Variants in KCNIP1 observed in about 807,000 individuals in gnomAD.
KCNIP1 encodes potassium voltage-gated channel interacting protein 1.
KCNIP1 carries 18 observed loss-of-function variants against 33.0 expected under a neutral mutation model. That is an observed-to-expected ratio of 0.55 (90% CI 0.38 to 0.81). The LOEUF (loss-of-function observed/expected upper bound fraction) is 0.81, where lower values mean the gene tolerates loss of function less well. Among genes scored for constraint, KCNIP1 ranks in the 30% least tolerant of loss-of-function variants. KCNIP1 has a pLI of 0.00. For missense variants in KCNIP1, 238 were observed against 271.6 expected, an observed-to-expected ratio of 0.88 and a Z score of 0.87; for synonymous variants, 93 against 98.3, an observed-to-expected ratio of 0.95 and a Z score of 0.32.
intron 1 of KCNIP1, among the ~76,000 whole-genome samples, chr5:170,600,866 A>T (rs577341518): frequency 1.3e-5 from 2 of 152,276 alleles, no homozygotes; most frequent in Admixed American, 6.5e-5. Flanking sequence ...ATGAGATCGC[A>T]CATATAAATT....
intron 1 of KCNIP1, among the ~76,000 whole-genome samples, chr5:170,621,681 C>A (rs115264575): frequency 0.02 from 2,990 of 152,158 alleles, 121 homozygotes; most frequent in African/African-American, 0.066. Flanking sequence ...GCTAATTTTT[C>A]AATTTTTTGT....
chr5:170,355,057 GGTCTGGC>G (rs1763309831), intron 1 of KCNIP1, among the ~76,000 whole-genome samples: 1 of 152,244 alleles, frequency 6.6e-6, no homozygotes, highest in Non-Finnish European at 1.5e-5. Flanking sequence ...CCACCCAGCG[GGTCTGGC>G]CCAGTGTACG....
rs760242908 is a variant in KCNIP1, at chr5:170,504,642, C to T, written c.61+9C>T. The T allele has an allele frequency of 2.5e-6, 4 of 1,610,974 alleles. No homozygotes were observed. Among genetic ancestry groups the T allele is most frequent in the Non-Finnish European group, 3.4e-6 (4 of 1,177,386 alleles). ...AAGGCGACCCTCGAAAGGTAAGCCA[C>T]CTTCTTCCTTTTGTTCCCCTGTCTG... On this transcript the variant is annotated intron_variant, in intron 1 of 7. Transcript: ENST00000328939. The surrounding 1 kb of genome is among the most constrained non-coding windows in gnomAD (Gnocchi z 6.0).
chr5:170,512,272 C>T (rs1754961110), intron 1 of KCNIP1, among the ~76,000 whole-genome samples: 1 of 152,198 alleles, frequency 6.6e-6, no homozygotes, highest in Non-Finnish European at 1.5e-5. Context: ...GGACCAGGAT[C>T]AGAGTTTTCA....
At chr5:170,557,042 T>C (rs538782077) in intron 1 of KCNIP1, among the ~76,000 whole-genome samples, 2 of 152,246 alleles carry the variant, frequency 1.3e-5, no homozygotes, top group Admixed American at 1.3e-4. Context: ...CCCTCAGCAG[T>C]GGAGTGGAAG....
intron 1 of KCNIP1, chr5:170,678,902 G>T (rs889954412): frequency 6.6e-6 from 1 of 152,242 alleles, no homozygotes; most frequent in Non-Finnish European, 1.5e-5. Context: ...GCTAAGATAA[G>T]CCAAGAGAAC....
intron 1 of KCNIP1, among the ~76,000 whole-genome samples, chr5:170,707,029 A>G (rs1763277331): frequency 6.6e-6 from 1 of 152,136 alleles, no homozygotes. Context: ...AAGTTTCTCC[A>G]CTGCCACCTG....
At chr5:170,508,944 G>A (rs539401169) in intron 1 of KCNIP1, among the ~76,000 whole-genome samples, 1 of 152,124 alleles carries the variant, frequency 6.6e-6, no homozygotes, top group Non-Finnish European at 1.5e-5. Flanking sequence ...AGGGTTCTTG[G>A]GGGTAGGAGC....
intron 1 of KCNIP1, among the ~76,000 whole-genome samples, chr5:170,690,767 G>C (rs1389521436): frequency 6.6e-6 from 1 of 152,208 alleles, no homozygotes; most frequent in African/African-American, 2.4e-5. Context: ...GTTGTTTCCA[G>C]ATGGTGATCT....
chr5:170,415,111 T>C (rs1755293393), intron 1 of KCNIP1, among the ~76,000 whole-genome samples: 1 of 152,232 alleles, frequency 6.6e-6, no homozygotes, highest in South Asian at 2.1e-4. Flanking sequence ...TTTTTCTCTC[T>C]TTTTCTGTGA....
chr5:170,430,660 C>G (rs1755719965), intron 1 of KCNIP1, among the ~76,000 whole-genome samples: 1 of 152,182 alleles, frequency 6.6e-6, no homozygotes, highest in Non-Finnish European at 1.5e-5. Flanking sequence ...TTAGGAAGTG[C>G]TTGCTAAACC....
chr5:170,390,517 A>AAATATATATATATATATATATATAT lies in KCNIP1; in HGVS notation c.88+36554_88+36555insATATATATATATATATATATATATA. Among the ~76,000 whole-genome samples the AAATATATATATATATATATATATAT allele has an allele frequency of 7.1e-4, 53 of 74,470 alleles. 1 individual carries two copies. The highest frequency in any genetic ancestry group is 1.0e-3 in the Non-Finnish European group (40 of 40,156). The allele number at this position is 74,470 out of a possible 152,430, so 48.9% of individuals were successfully genotyped here. A position where few individuals can be genotyped will look rare whatever the true frequency, so the allele number is the denominator to read the frequency against. On this transcript the variant is annotated intron_variant, in intron 1 of 7. Transcript: ENST00000377360. ...GACCCCGTCTCAAAAAAAAAAAACA[A>AAATATATATATATATATATATATAT]ATATATATATATATATATATATTTT...
At chr5:170,475,339 C>G (rs1316716008) in intron 1 of KCNIP1, among the ~76,000 whole-genome samples, 1 of 152,216 alleles carries the variant, frequency 6.6e-6, no homozygotes, top group Admixed American at 6.5e-5. Flanking sequence ...TCACATTGAC[C>G]AGCTCCTGCG....
chr5:170,706,455 C>G (rs1763259187), intron 1 of KCNIP1, among the ~76,000 whole-genome samples: 1 of 152,178 alleles, frequency 6.6e-6, no homozygotes, highest in Admixed American at 6.5e-5. Context: ...AAAACTGTAT[C>G]AATCAGGCTT....
intron 1 of KCNIP1, among the ~76,000 whole-genome samples, chr5:170,528,188 C>G (rs1056509520): frequency 5.3e-5 from 8 of 152,198 alleles, no homozygotes; most frequent in Non-Finnish European, 1.0e-4. Flanking sequence ...ACTGGAGGCT[C>G]TGGCTCACTG....
chr5:170,533,990 G>A (rs1296261637), intron 1 of KCNIP1, among the ~76,000 whole-genome samples: 1 of 152,180 alleles, frequency 6.6e-6, no homozygotes, highest in Non-Finnish European at 1.5e-5. Context: ...GGCACCAGAA[G>A]GTGCCCAGAC....
At chr5:170,383,520 C>T in intron 1 of KCNIP1, 2 of 794,416 alleles carry the variant, frequency 2.5e-6, no homozygotes, top group Non-Finnish European at 4.2e-6. Context: ...CTGTGTGACT[C>T]CAACACAGAA....
intron 1 of KCNIP1, among the ~76,000 whole-genome samples, chr5:170,667,591 G>A (rs1048049396): frequency 6.6e-6 from 1 of 152,192 alleles, no homozygotes; most frequent in African/African-American, 2.4e-5. Context: ...TGTACTGAGG[G>A]GCAGTATTGC....
intron 1 of KCNIP1, among the ~76,000 whole-genome samples, chr5:170,518,025 G>A (rs957054640): frequency 4.0e-5 from 6 of 151,882 alleles, no homozygotes; most frequent in Non-Finnish European, 7.4e-5. Context: ...GATAGTGATG[G>A]TGGTGATGAT....
Sources: allele counts gnomAD v4.1 joint callset (sites outside exome capture counted in the v4.1 genomes callset), GRCh38; gene constraint gnomAD v4.1.1; non-coding constraint Gnocchi (gnomAD v3.1); transcripts MANE v1.5; gene names NCBI Gene and HGNC (gene_info 2026-07-23, HGNC 2026-07-21).